Variants in GALNT2 observed in about 807,000 individuals in gnomAD.
GALNT2 encodes UDP-GalNAc:polypeptide N-acetylgalactosaminyltransferase 2.
A neutral mutation model predicts 81.4 loss-of-function variants in GALNT2; 31 were observed. The observed-to-expected ratio is 0.38, with a 90% CI of 0.29 to 0.51. GALNT2 has a LOEUF of 0.51. GALNT2 is among the 20% of genes least tolerant of loss of function. The pLI, the probability that GALNT2 is intolerant of heterozygous loss-of-function variation, is 0.87. For synonymous variants in GALNT2, 303 were observed against 287.4 expected, an observed-to-expected ratio of 1.05 and a Z score of -0.55; for missense variants, 629 against 765.7, an observed-to-expected ratio of 0.82 and a Z score of 2.11.
chr1:230,196,553 A>G (rs1050533052), intron 2 of GALNT2, among the ~76,000 whole-genome samples: 49 of 152,152 alleles, frequency 3.2e-4, no homozygotes, highest in African/African-American at 1.1e-3. Flanking sequence ...CAAGTGCGAG[A>G]CGTCCCTTTA....
intron 1 of GALNT2, among the ~76,000 whole-genome samples, chr1:230,122,659 C>T (rs1302211587): frequency 6.6e-6 from 1 of 151,280 alleles, no homozygotes; most frequent in Non-Finnish European, 1.5e-5. Context: ...TGTGTGTGTT[C>T]ATCCGTGTGT....
intron 9 of GALNT2, among the ~76,000 whole-genome samples, chr1:230,249,666 A>G (rs1267152470): frequency 1.5e-5 from 2 of 133,942 alleles, no homozygotes; most frequent in African/African-American, 5.8e-5. Flanking sequence ...GAAGGAGCCC[A>G]TGCTCATGAA....
rs1665739713 is a variant in GALNT2 at position 230,257,161 on chromosome 1, T to C, written c.1136+1817T>C. Reference sequence around the variant, plus strand: ...AGGTCATGGGAAACGTTGGATGTTATTTGATTCTGAAGGAAAACACTGGGG... The same window carrying C: ...AGGTCATGGGAAACGTTGGATGTTACTTGATTCTGAAGGAAAACACTGGGG... On this transcript the variant is annotated intron_variant, in intron 11 of 15. Transcript: ENST00000366672. The surrounding 1 kb of genome is among the most constrained non-coding windows in gnomAD (Gnocchi z 4.6). 6.6e-6 allele frequency among the ~76,000 whole-genome samples: 1 copy of C among 152,232 alleles called. No homozygotes were observed. The highest frequency in any genetic ancestry group is 1.5e-5 in the Non-Finnish European group (1 of 68,034).
intron 1 of GALNT2, 108 bp downstream of exon 1, chr1:230,067,514 C>T (rs1399103773): frequency 2.2e-5 from 8 of 359,904 alleles, no homozygotes; most frequent in East Asian, 1.2e-4. Flanking sequence ...CCCGGACCTC[C>T]GCTCGCGTCG....
In GALNT2 at chr1:230,208,187, G is replaced by A. The variant is rs569594169; in HGVS notation, c.374+4897G>A. On this transcript the variant is annotated intron_variant, in intron 3 of 15. Transcript: ENST00000366672. ...GTGTTTGTTTTTTCTCTCTCTCTCT[G>A]CGTTGGGAAGCTGTTCTTACTGTCC... is the stretch of plus-strand genomic sequence containing the variant. Among the ~76,000 whole-genome samples, 563 of 152,204 alleles carry A rather than the reference G, an allele frequency of 3.7e-3. 2 individuals are homozygous for A. Among genetic ancestry groups the A allele is most frequent in the African/African-American group, 0.013 (544 of 41,522 alleles).
intron 14 of GALNT2, chr1:230,268,363 G>A (rs1666087196): frequency 6.6e-6 from 1 of 152,224 alleles, no homozygotes; most frequent in South Asian, 2.1e-4. Flanking sequence ...CTGTCTGGGT[G>A]TTGGGCCTCT....
chr1:230,236,559 A>G (rs1312847256), intron 5 of GALNT2, 101 bp from the exon 6 acceptor site: 3 of 1,427,900 alleles, frequency 2.1e-6, no homozygotes, highest in African/African-American at 2.9e-5. Flanking sequence ...TGATGCCCCA[A>G]GGAGATAATC....
intron 1 of GALNT2, among the ~76,000 whole-genome samples, chr1:230,145,578 G>A (rs1488069626): frequency 1.3e-5 from 2 of 152,232 alleles, no homozygotes; most frequent in South Asian, 2.1e-4. Context: ...CGCTGAGGTC[G>A]GGGCTTAGAC....
chr1:230,098,752 G>A (rs1457580991), intron 1 of GALNT2, among the ~76,000 whole-genome samples: 2 of 152,160 alleles, frequency 1.3e-5, no homozygotes, highest in Non-Finnish European at 2.9e-5. Flanking sequence ...TAGATAAATG[G>A]GAAGTCTTAG....
chr1:230,193,363 T>C lies in GALNT2; in HGVS notation c.221-9774T>C, dbSNP rs116500010. On this transcript the variant is annotated intron_variant, in intron 2 of 15. Transcript: ENST00000366672. This position sits in a 1 kb window ranked among gnomAD's most constrained non-coding sequence, Gnocchi z 4.3. ...ACACCTGCGGGTGGTAGATGACAGC[T>C]CTTTGCCCAAGAGCATATGTCCTGA... 1.2e-3 allele frequency among the ~76,000 whole-genome samples: 184 copies of C among 152,278 alleles called. No individual in the cohort carries two copies. Among genetic ancestry groups the C allele is most frequent in the African/African-American group, 4.2e-3 (174 of 41,566 alleles).
intron 15 of GALNT2, among the ~76,000 whole-genome samples, chr1:230,277,671 G>A (rs1666336494): frequency 1.3e-5 from 2 of 152,200 alleles, no homozygotes; most frequent in Non-Finnish European, 2.9e-5. Context: ...GGAAAGCAGG[G>A]TACAAGTGAC....
chr1:230,105,007 G>C (rs115238340), intron 1 of GALNT2, among the ~76,000 whole-genome samples: 2 of 152,242 alleles, frequency 1.3e-5, no homozygotes, highest in African/African-American at 4.8e-5. Context: ...CCACAGTGGC[G>C]CTGTGGATTC....
intron 1 of GALNT2, among the ~76,000 whole-genome samples, chr1:230,101,521 T>G (rs74145442): frequency 0.012 from 1,767 of 152,304 alleles, 30 homozygotes; most frequent in African/African-American, 0.038. Context: ...GAGTACATTC[T>G]CAGTTTGTCA....
At chr1:230,265,870 C>A (rs548859328) in intron 14 of GALNT2, among the ~76,000 whole-genome samples, 81 of 152,342 alleles carry the variant, frequency 5.3e-4, no homozygotes, top group African/African-American at 1.8e-3. Flanking sequence ...TTCCATTGCA[C>A]ACATACACAC....
chr1:230,084,892 A>C (rs1170226970), intron 1 of GALNT2, among the ~76,000 whole-genome samples: 1 of 151,936 alleles, frequency 6.6e-6, no homozygotes, highest in Middle Eastern at 3.2e-3. Context: ...TGAACATGGG[A>C]TTAGGGGAGA....
chr1:230,105,586 T>C, intron 1 of GALNT2, among the ~76,000 whole-genome samples: 1 of 152,142 alleles, frequency 6.6e-6, no homozygotes, highest in East Asian at 1.9e-4. Flanking sequence ...TGTGGGAACA[T>C]AGAGTCTCTG....
intron 9 of GALNT2, among the ~76,000 whole-genome samples, chr1:230,249,828 A>G (rs1665487337): frequency 6.6e-6 from 1 of 152,236 alleles, no homozygotes; most frequent in South Asian, 2.1e-4. Flanking sequence ...GCGCTGAAAT[A>G]TATTTGCTGA....
chr1:230,127,025 G>A (rs1327920211), intron 1 of GALNT2, among the ~76,000 whole-genome samples: 5 of 152,104 alleles, frequency 3.3e-5, no homozygotes, highest in South Asian at 2.1e-4. Context: ...TGGGGGGAGC[G>A]TCTCCCCTCT....
At chr1:230,139,950 G>A (rs41513546) in intron 1 of GALNT2, among the ~76,000 whole-genome samples, 15,656 of 152,248 alleles carry the variant, frequency 0.1, 1,239 homozygotes, top group African/African-American at 0.22. Flanking sequence ...ACAGAATTGC[G>A]TAGCCCTGGG....
Sources: gnomAD v4.1 joint callset for allele counts (sites outside exome capture counted in the v4.1 genomes callset) on GRCh38, gnomAD v4.1.1 for gene constraint, Gnocchi (gnomAD v3.1) non-coding constraint, MANE v1.5 for transcripts, NCBI Gene and HGNC (gene_info 2026-07-23, HGNC 2026-07-21) for gene names.